CNTN4: variants seen among roughly 807,000 people sequenced by gnomAD.
CNTN4 encodes contactin-4.
In CNTN4, 77 loss-of-function variants were observed where a neutral mutation model predicts 122.5. The observed-to-expected ratio is 0.63, with a 90% CI of 0.52 to 0.76. CNTN4 has a LOEUF of 0.76. CNTN4 is among the 30% of genes least tolerant of loss of function. The pLI is 0.00. For missense variants in CNTN4, 1,256 were observed against 1,259.1 expected (o/e 1.00, Z 0.04); for synonymous variants, 512 against 447.0 (o/e 1.15, Z -1.83).
At chr3:2,797,920 A>ATTTT (rs10684232) in intron 6 of CNTN4, among the ~76,000 whole-genome samples, 17,355 of 137,658 alleles carry the variant, frequency 0.13, 1,302 homozygotes, top group Middle Eastern at 0.19. Context: ...CACACTGAGT[A>ATTTT]TTTTTTTTTT....
chr3:2,796,904 C>T lies in CNTN4; in HGVS notation c.359-22582C>T, dbSNP rs190335088. Among the ~76,000 whole-genome samples the T allele has an allele frequency of 5.8e-3, 890 of 152,206 alleles. 33 individuals are homozygous for T. Among genetic ancestry groups the T allele is most frequent in the Middle Eastern group, 6.8e-3 (2 of 294 alleles). On this transcript the variant is annotated intron_variant, in intron 6 of 24. Coordinates refer to ENST00000418658, the MANE Select transcript of CNTN4 (RefSeq NM_175607.3). ...CAGATACTATAATGTTGCTCAGTACCCCACCCCTACTTCATACTCAGATTC... is the reference window on the plus strand; with the variant it reads ...CAGATACTATAATGTTGCTCAGTACTCCACCCCTACTTCATACTCAGATTC...
intron 4 of CNTN4, among the ~76,000 whole-genome samples, chr3:2,701,232 G>C (rs915023231): frequency 6.6e-6 from 1 of 152,124 alleles, no homozygotes; most frequent in Non-Finnish European, 1.5e-5. Context: ...AGTGGACATA[G>C]GCAGGAAGAG....
chr3:2,532,938 A>G (rs777659277), intron 3 of CNTN4, among the ~76,000 whole-genome samples: 4 of 152,228 alleles, frequency 2.6e-5, no homozygotes, highest in Admixed American at 1.3e-4. Context: ...TTACGAGTTT[A>G]CTGGGGCTGC....
chr3:2,626,634 G>A (rs1576268946), intron 4 of CNTN4, among the ~76,000 whole-genome samples: 4 of 152,140 alleles, frequency 2.6e-5, no homozygotes. Flanking sequence ...GGATTGGCTT[G>A]GAAGTGGTTA....
At chr3:2,455,284 T>C (rs1256383344) in intron 3 of CNTN4, among the ~76,000 whole-genome samples, 1 of 152,158 alleles carries the variant, frequency 6.6e-6, no homozygotes, top group Admixed American at 6.6e-5. Flanking sequence ...ACCATTATTC[T>C]TCATTTGGGG....
chr3:2,271,326 T>G (rs189923171), intron 2 of CNTN4, among the ~76,000 whole-genome samples: 218 of 152,284 alleles, frequency 1.4e-3, no homozygotes, highest in African/African-American at 4.7e-3. Context: ...ATCTTGGATC[T>G]TCTGAAAAGT....
At chr3:2,847,473 T>C (rs2093475246) in intron 7 of CNTN4, among the ~76,000 whole-genome samples, 1 of 152,220 alleles carries the variant, frequency 6.6e-6, no homozygotes, top group Non-Finnish European at 1.5e-5. Flanking sequence ...TAAAATTATA[T>C]GTATCTTGTC....
chr3:2,228,717 A>G (rs987010311), intron 2 of CNTN4, among the ~76,000 whole-genome samples: 1 of 152,182 alleles, frequency 6.6e-6, no homozygotes, highest in African/African-American at 2.4e-5. Context: ...GAATATTTAT[A>G]GCAACTTGTA....
chr3:2,888,596 C>G (rs995557579), intron 10 of CNTN4, among the ~76,000 whole-genome samples: 2 of 152,024 alleles, frequency 1.3e-5, no homozygotes, highest in African/African-American at 2.4e-5. Context: ...GCAGATGGTT[C>G]TCCTTTCATA....
At chr3:3,023,312 C>T (rs904144216) in intron 14 of CNTN4, among the ~76,000 whole-genome samples, 2 of 152,066 alleles carry the variant, frequency 1.3e-5, no homozygotes, top group Admixed American at 6.6e-5. Flanking sequence ...CATGAATCGG[C>T]GACAAGTGCT....
intron 2 of CNTN4, among the ~76,000 whole-genome samples, chr3:2,143,074 C>T (rs1309539010): frequency 6.6e-6 from 1 of 152,176 alleles, no homozygotes; most frequent in Non-Finnish European, 1.5e-5. Context: ...ACTGGGAGCA[C>T]CACGTTCACT....
At chr3:3,033,493 A>C (rs1699353416) in intron 16 of CNTN4, among the ~76,000 whole-genome samples, 1 of 152,234 alleles carries the variant, frequency 6.6e-6, no homozygotes, top group Admixed American at 6.5e-5. Flanking sequence ...TTAATTTTGC[A>C]CTGCTCTGTG....
intron 2 of CNTN4, among the ~76,000 whole-genome samples, chr3:2,184,904 C>T (rs891331855): frequency 6.6e-5 from 10 of 152,250 alleles, no homozygotes; most frequent in Non-Finnish European, 1.0e-4. Context: ...AGATACTGGC[C>T]CTTCTGCAAA....
intron 12 of CNTN4, among the ~76,000 whole-genome samples, chr3:2,906,481 TA>T (rs11354245): frequency 0.063 from 9,557 of 151,534 alleles, 1,024 homozygotes; most frequent in African/African-American, 0.22. Flanking sequence ...AGTAAAATAA[TA>T]AAAAAAATAA....
chr3:2,689,888 A>T (rs1333033214), intron 4 of CNTN4, among the ~76,000 whole-genome samples: 1 of 152,064 alleles, frequency 6.6e-6, no homozygotes, highest in Admixed American at 6.6e-5. Flanking sequence ...TATATTCTTT[A>T]TGAAAACCCA....
intron 17 of CNTN4, among the ~76,000 whole-genome samples, chr3:3,036,451 C>T (rs932541327): frequency 1.3e-5 from 2 of 152,012 alleles, no homozygotes; most frequent in African/African-American, 4.8e-5. Flanking sequence ...GTTAAATGGG[C>T]ACAATAAGAA....
intron 3 of CNTN4, among the ~76,000 whole-genome samples, chr3:2,568,335 A>AAC (rs1242322177): frequency 2.0e-5 from 3 of 151,348 alleles, no homozygotes; most frequent in South Asian, 2.1e-4. Context: ...AAAAAAAAAA[A>AAC]AAAAACCACC....
chr3:2,686,035 G>C (rs1302256741), intron 4 of CNTN4, among the ~76,000 whole-genome samples: 1 of 152,134 alleles, frequency 6.6e-6, no homozygotes, highest in Non-Finnish European at 1.5e-5. Context: ...TTGCAAGTGT[G>C]AATACACACA....
chr3:2,987,783 C>G (rs570758226), intron 13 of CNTN4, among the ~76,000 whole-genome samples: 1 of 152,184 alleles, frequency 6.6e-6, no homozygotes, highest in African/African-American at 2.4e-5. Flanking sequence ...CACATTTGCT[C>G]TTCTGCCAAA....
Sources: gnomAD v4.1 joint callset for allele counts (sites outside exome capture counted in the v4.1 genomes callset) on GRCh38, gnomAD v4.1.1 for gene constraint, MANE v1.5 for transcripts, NCBI Gene and HGNC (gene_info 2026-07-23, HGNC 2026-07-21) for gene names.